The following DOCK11 variants were observed in gnomAD, a reference collection of about 807,000 sequenced individuals.
DOCK11 encodes the protein dedicator of cytokinesis 11.
A neutral mutation model predicts 169.1 loss-of-function variants in DOCK11; 70 were observed. The observed-to-expected ratio is 0.41, with a 90% CI of 0.34 to 0.51. DOCK11 has a LOEUF of 0.51. Ranked by LOEUF, DOCK11 falls within the 20% of genes least tolerant of loss-of-function variation. The pLI, the probability that DOCK11 is intolerant of heterozygous loss-of-function variation, is 0.10. For missense variants in DOCK11, 1,166 were observed against 1,538.8 expected, an observed-to-expected ratio of 0.76 and a Z score of 4.05; for synonymous variants, 529 against 541.3, an observed-to-expected ratio of 0.98 and a Z score of 0.32.
intron 1 of DOCK11, among the ~76,000 whole-genome samples, chrX:118,512,858 C>A (rs2147313307): frequency 8.9e-6 from 1 of 112,072 alleles, no homozygotes; most frequent in Non-Finnish European, 1.9e-5. Flanking sequence ...ATAGAGGCTG[C>A]CACTCTGAGC....
intron 12 of DOCK11, 134 bp from the exon 13 acceptor site, chrX:118,578,391 A>C: frequency 1.4e-6 from 1 of 708,727 alleles, no homozygotes; most frequent in Non-Finnish European, 2.1e-6. Context: ...ATGAAAGGAA[A>C]TTCTATCTAT....
chrX:118,597,561 A>G lies in DOCK11; in HGVS notation c.2385+9A>G. The G allele has an allele frequency of 8.3e-7, 1 of 1,210,374 alleles. No homozygotes were observed. Among genetic ancestry groups the G allele is most frequent in the Non-Finnish European group, 1.1e-6 (1 of 894,610 alleles). ...ATGCAGAATCAAGAAGGGTAGGAAA[A>G]TACTGCATTTGTTGAAGTAATCATG... On this transcript the variant is annotated intron_variant, in intron 21 of 52. Coordinates refer to ENST00000276202, the MANE Select transcript of DOCK11 (RefSeq NM_144658.4).
In DOCK11 at chrX:118,566,960, A is replaced by C. The variant is rs888991823; in HGVS notation, c.951+307A>C. Reference sequence around the variant, plus strand: ...AATTACTGTATATCATTCATAAAATATTCTTCTTCCAAAAGGATAATGATG... The same window carrying C: ...AATTACTGTATATCATTCATAAAATCTTCTTCTTCCAAAAGGATAATGATG... On this transcript the variant is annotated intron_variant, in intron 9 of 52. Coordinates refer to ENST00000276202, the MANE Select transcript of DOCK11 (RefSeq NM_144658.4). Among the ~76,000 whole-genome samples, 3 of 112,411 alleles carry C rather than the reference A, an allele frequency of 2.7e-5. No individual in the cohort carries two copies. In the Admixed American group the frequency reaches 2.8e-4, roughly 11 times the overall value.
intron 40 of DOCK11, among the ~76,000 whole-genome samples, chrX:118,647,534 T>TAAACA (rs2015722213): frequency 1.4e-5 from 1 of 73,553 alleles, no homozygotes; most frequent in Non-Finnish European, 2.4e-5. Flanking sequence ...TAATATAATA[T>TAAACA]TATATATTAT....
At position 118,593,522 on chromosome X, in the gene DOCK11, C is replaced by T. The variant is rs770578495; in HGVS notation, c.2263+185C>T. Among the ~76,000 whole-genome samples, 7 of 111,966 alleles carry T rather than the reference C, an allele frequency of 6.3e-5. No homozygotes were observed. In the South Asian group the frequency reaches 1.5e-3, roughly 24 times the overall value. The stretch of plus-strand genomic sequence containing the variant: ...GGAAGAAAAAGAAGTTTAATTGAAC[C>T]TTACACTTCCACATGGCTGAGGAGG... On this transcript the variant is annotated intron_variant, in intron 20 of 52. Transcript: ENST00000276202.
intron 12 of DOCK11, among the ~76,000 whole-genome samples, chrX:118,575,185 G>C (rs1394306294): frequency 9.0e-6 from 1 of 111,230 alleles, no homozygotes; most frequent in Non-Finnish European, 1.9e-5. Flanking sequence ...TAACATTTTG[G>C]TAAACATCTT....
At chrX:118,655,385 C>T (rs1442860988) in intron 44 of DOCK11, among the ~76,000 whole-genome samples, 2 of 111,591 alleles carry the variant, frequency 1.8e-5, no homozygotes, top group Non-Finnish European at 3.8e-5. Flanking sequence ...AAGACTGTCC[C>T]TCCCTGGAAG....
chrX:118,683,261 C>A, intron 52 of DOCK11, 44 bp downstream of exon 52: 2 of 1,162,671 alleles, frequency 1.7e-6, no homozygotes, highest in East Asian at 3.1e-5. Flanking sequence ...ATCTGCGGGT[C>A]CCAAAATTGT....
chrX:118,648,138 T>G (rs2015827510), intron 40 of DOCK11, among the ~76,000 whole-genome samples: 2 of 78,107 alleles, frequency 2.6e-5, no homozygotes, highest in South Asian at 1.1e-3. Flanking sequence ...TATAATATAA[T>G]ATATAAATTA....
chrX:118,676,674 T>G lies in DOCK11; in HGVS notation c.5397T>G (p.Leu1799=). ...GCCTCTCAGAAATTTCCTTGAGACT[T>G]GTTAAACTTTATGGTGAAAAGTTTG... ...LTGLSEISLR[L]VKLYGEKFGT... Residue 1799 remains leucine (L), a synonymous_variant, in exon 48 of 53, where the codon CTT becomes CTG. Coordinates refer to ENST00000276202, the MANE Select transcript of DOCK11 (RefSeq NM_144658.4). 1.7e-6 allele frequency: 2 copies of G among 1,206,952 alleles called. No individual in the cohort carries two copies. The highest frequency in any genetic ancestry group is 2.2e-6 in the Non-Finnish European group (2 of 892,207).
chrX:118,619,557 T>C (rs1348262423), intron 31 of DOCK11, among the ~76,000 whole-genome samples: 5 of 107,217 alleles, frequency 4.7e-5, no homozygotes, highest in African/African-American at 6.7e-5. Flanking sequence ...TCTCAACTCA[T>C]ACTTAAAGAA....
chrX:118,605,494 T>C, intron 24 of DOCK11, 138 bp downstream of exon 24: 1 of 392,818 alleles, frequency 2.5e-6, no homozygotes, highest in Non-Finnish European at 4.4e-6. Flanking sequence ...TGTGTTTTCA[T>C]TGTCATTTGT....
intron 35 of DOCK11, among the ~76,000 whole-genome samples, chrX:118,635,615 T>C (rs996673981): frequency 9.0e-6 from 1 of 111,606 alleles, no homozygotes; most frequent in African/African-American, 3.3e-5. Flanking sequence ...TGAGACGGAG[T>C]CTCACTCTGT....
chrX:118,506,697 T>C (rs1402704868), intron 1 of DOCK11, among the ~76,000 whole-genome samples: 2 of 112,448 alleles, frequency 1.8e-5, no homozygotes, highest in African/African-American at 3.2e-5. Flanking sequence ...ACATACGTTT[T>C]AATAGGAAAT....
At chrX:118,519,686 A>G (rs966638573) in intron 1 of DOCK11, among the ~76,000 whole-genome samples, 5 of 112,340 alleles carry the variant, frequency 4.5e-5, no homozygotes, top group African/African-American at 9.7e-5. Flanking sequence ...TGTTTCCTCA[A>G]TGTGGCCCAT....
intron 1 of DOCK11, among the ~76,000 whole-genome samples, chrX:118,540,311 T>C (rs1036714866): frequency 1.2e-4 from 13 of 110,870 alleles, no homozygotes; most frequent in Non-Finnish European, 2.5e-4. Flanking sequence ...ATAGGACTTA[T>C]TCATTCAACT....
chrX:118,663,950 G>A (rs1238527855), intron 45 of DOCK11, among the ~76,000 whole-genome samples: 1 of 110,850 alleles, frequency 9.0e-6, no homozygotes, highest in Non-Finnish European at 1.9e-5. Flanking sequence ...TGGGATTACA[G>A]GCATGAGCCA....
intron 5 of DOCK11, 40 bp downstream of exon 5, chrX:118,545,432 T>C (rs753979516): frequency 2.0e-6 from 2 of 980,037 alleles, no homozygotes; most frequent in East Asian, 6.3e-5. Context: ...TGTGCTAGTT[T>C]CCTCACGGTC....
At chrX:118,547,436 T>C (rs975425082) in intron 6 of DOCK11, among the ~76,000 whole-genome samples, 1 of 111,837 alleles carries the variant, frequency 8.9e-6, no homozygotes, top group African/African-American at 3.3e-5. Context: ...TGTATATCGC[T>C]TGCACCTAAG....
Sources: allele counts gnomAD v4.1 joint callset (sites outside exome capture counted in the v4.1 genomes callset), GRCh38; gene constraint gnomAD v4.1.1; transcripts MANE v1.5; gene names NCBI Gene and HGNC (gene_info 2026-07-23, HGNC 2026-07-21).